Variants in KLHDC1 observed in about 807,000 individuals in gnomAD.
KLHDC1 encodes kelch domain containing 1, also known as kelch domain-containing protein 1.
In KLHDC1, 53 loss-of-function variants were observed where a neutral mutation model predicts 68.3. The ratio of observed to expected loss-of-function variants is 0.78; its 90% CI spans 0.62 to 0.98. The LOEUF is 0.98. KLHDC1 is among the 50% of genes least tolerant of loss of function. The pLI is 0.00. For missense variants in KLHDC1, 470 were observed against 492.3 expected (o/e 0.95, Z 0.43); for synonymous variants, 148 against 159.0 (o/e 0.93, Z 0.52).
At chr14:49,695,149 T>TG (rs1555337472) in intron 1 of KLHDC1, among the ~76,000 whole-genome samples, 1 of 151,132 alleles carries the variant, frequency 6.6e-6, no homozygotes, top group Non-Finnish European at 1.5e-5. Flanking sequence ...TGTGTGTGTG[T>TG]TTTGAGACAA....
At chr14:49,725,892 G>A (rs1353574232) in intron 6 of KLHDC1, 123 bp downstream of exon 6, 1 of 550,468 alleles carries the variant, frequency 1.8e-6, no homozygotes, top group Non-Finnish European at 3.2e-6. Flanking sequence ...CTGTTGCCCA[G>A]GCTGGAGTAC....
rs763400728 is a variant in KLHDC1, at chr14:49,710,286, A to T, written c.309A>T (p.Thr103=). 1 of 1,604,662 alleles carries T rather than the reference A, an allele frequency of 6.2e-7. No individual in the cohort carries two copies. Among genetic ancestry groups the T allele is most frequent in the South Asian group, 1.1e-5 (1 of 90,844 alleles). Residue 103 remains threonine (T), a synonymous_variant, in exon 4 of 13, where the codon ACA becomes ACT. Transcript: ENST00000359332. ...AGCTTTATTTTGTTAATTTACGAACAAGAGATGAAACCTACATTTGGGAGA... is the reference window on the plus strand; with the variant it reads ...AGCTTTATTTTGTTAATTTACGAACTAGAGATGAAACCTACATTTGGGAGA... ...SNRLYFVNLR[T]RDETYIWEKI... is the part of the protein sequence containing the mutation.
At chr14:49,744,576 T>C (rs1889154772) in intron 12 of KLHDC1, among the ~76,000 whole-genome samples, 1 of 152,166 alleles carries the variant, frequency 6.6e-6, no homozygotes, top group Non-Finnish European at 1.5e-5. Context: ...AAGTCTCTTA[T>C]ATAGGGTGAT....
chr14:49,694,875 GTA>G (rs1356984612), intron 1 of KLHDC1, among the ~76,000 whole-genome samples: 1 of 152,068 alleles, frequency 6.6e-6, no homozygotes. Context: ...ACAAAAAACT[GTA>G]CATACCTAAT....
At chr14:49,741,970 G>A (rs1036210008) in intron 11 of KLHDC1, among the ~76,000 whole-genome samples, 1 of 152,150 alleles carries the variant, frequency 6.6e-6, no homozygotes, top group African/African-American at 2.4e-5. Context: ...CTGCTCCTAT[G>A]GAGTGGCAAA....
chr14:49,719,895 G>A (rs1257574941), intron 4 of KLHDC1, among the ~76,000 whole-genome samples: 1 of 151,816 alleles, frequency 6.6e-6, no homozygotes, highest in African/African-American at 2.4e-5. Context: ...TGCAGTCATG[G>A]CTCACTGCAG....
chr14:49,717,420 A>T (rs1024262618), intron 4 of KLHDC1, among the ~76,000 whole-genome samples: 1 of 152,130 alleles, frequency 6.6e-6, no homozygotes, highest in Non-Finnish European at 1.5e-5. Context: ...ATACTAGCAG[A>T]TGTGAAATGG....
intron 10 of KLHDC1, 69 bp from the exon 11 acceptor site, chr14:49,740,029 T>A (rs1403912053): frequency 1.2e-6 from 1 of 817,096 alleles, no homozygotes; most frequent in Non-Finnish European, 2.0e-6. Flanking sequence ...AAATTTAGAA[T>A]TGATTTATAT....
intron 10 of KLHDC1, among the ~76,000 whole-genome samples, chr14:49,736,557 A>G (rs1176817169): frequency 6.6e-6 from 1 of 152,208 alleles, no homozygotes; most frequent in African/African-American, 2.4e-5. Flanking sequence ...GTCTATATAT[A>G]TACTAATTTT....
chr14:49,715,286 C>T (rs1293269034), intron 4 of KLHDC1, among the ~76,000 whole-genome samples: 2 of 150,946 alleles, frequency 1.3e-5, no homozygotes, highest in African/African-American at 4.8e-5. Context: ...CCACACCCAG[C>T]TAATTTTTGT....
At chr14:49,737,826 C>G (rs761695245) in intron 10 of KLHDC1, among the ~76,000 whole-genome samples, 12 of 141,784 alleles carry the variant, frequency 8.5e-5, no homozygotes, top group Non-Finnish European at 1.8e-4. Flanking sequence ...GATTGTGCCA[C>G]TGCACTCCAG....
chr14:49,742,344 T>A (rs774824075), intron 11 of KLHDC1, among the ~76,000 whole-genome samples: 1 of 152,236 alleles, frequency 6.6e-6, no homozygotes, highest in Non-Finnish European at 1.5e-5. Context: ...ATTATTCAAA[T>A]AATCTTCCAG....
At chr14:49,708,315 C>T (rs1177212345) in intron 1 of KLHDC1, 1 of 152,076 alleles carries the variant, frequency 6.6e-6, no homozygotes, top group Non-Finnish European at 1.5e-5. Flanking sequence ...CTCAGGTCAT[C>T]CACCTGCCTC....
At position 49,693,268 on chromosome 14, in the gene KLHDC1, T is replaced by C; in HGVS notation, c.74T>C (p.Leu25Pro). 1 of 1,561,270 alleles carries C rather than the reference T, an allele frequency of 6.4e-7. No homozygotes were observed. Among genetic ancestry groups the C allele is most frequent in the Non-Finnish European group, 8.7e-7 (1 of 1,155,472 alleles). Residue 25 changes from leucine (L) to proline (P), a missense_variant, in exon 1 of 13, where the codon CTC (leucine) becomes CCC (proline). By Grantham distance (98) the Leu-to-Pro change is moderately conservative. Transcript: ENST00000359332. Reference protein sequence around the residue: ...GHCAVVDGNFLYVWGGYVSIE... With the variant: ...GHCAVVDGNFPYVWGGYVSIE... ...TGCGCCGTGGTGGACGGAAACTTCC[T>C]CTACGTGTGGGGGGGCTACGTGGTA...
In KLHDC1 at chr14:49,694,355, CCTA is replaced by C. The variant is rs528192822; in HGVS notation, c.96+1067_96+1069del. On this transcript the variant is annotated intron_variant, in intron 1 of 12. Coordinates refer to ENST00000359332, the MANE Select transcript of KLHDC1 (RefSeq NM_172193.3). The stretch of plus-strand genomic sequence containing the variant: ...TAGTAGAACCTACATCTTCTGTCTC[CCTA>C]CCATTATGTGACAGACCTGTAACGT... Among the ~76,000 whole-genome samples the C allele has an allele frequency of 4.2e-4, 64 of 152,108 alleles. 1 individual carries two copies. In the South Asian group the frequency reaches 0.013, roughly 31 times the overall value.
At chr14:49,724,796 CA>C (rs1888623034) in intron 5 of KLHDC1, among the ~76,000 whole-genome samples, 1 of 150,634 alleles carries the variant, frequency 6.6e-6, no homozygotes, top group Non-Finnish European at 1.5e-5. Flanking sequence ...AGCTAATTAT[CA>C]TGTCCTGAAG....
At chr14:49,697,168 C>G (rs1289053271) in intron 1 of KLHDC1, among the ~76,000 whole-genome samples, 1 of 152,140 alleles carries the variant, frequency 6.6e-6, no homozygotes, top group Non-Finnish European at 1.5e-5. Context: ...ATCTCCTGAC[C>G]TCGTGATCCG....
At chr14:49,693,518 C>T (rs906482202) in intron 1 of KLHDC1, among the ~76,000 whole-genome samples, 3 of 151,718 alleles carry the variant, frequency 2.0e-5, no homozygotes, top group African/African-American at 7.2e-5. Flanking sequence ...CTCCGGGCCT[C>T]TTACCACTCT....
intron 10 of KLHDC1, among the ~76,000 whole-genome samples, chr14:49,738,417 C>G (rs1888983432): frequency 6.7e-6 from 1 of 149,444 alleles, no homozygotes; most frequent in African/African-American, 2.5e-5. Context: ...CGGCTCACTG[C>G]ATCACTGCAA....
Sources: allele counts gnomAD v4.1 joint callset (sites outside exome capture counted in the v4.1 genomes callset), GRCh38; gene constraint gnomAD v4.1.1; transcripts MANE v1.5; gene names NCBI Gene and HGNC (gene_info 2026-07-23, HGNC 2026-07-21).